Variants in KCNIP1 observed in about 807,000 individuals in gnomAD.
KCNIP1 encodes the protein A-type potassium channel modulatory protein KCNIP1.
A neutral mutation model predicts 33.0 loss-of-function variants in KCNIP1; 18 were observed. The ratio of observed to expected loss-of-function variants is 0.55; its 90% confidence interval spans 0.38 to 0.81. The LOEUF (loss-of-function observed/expected upper bound fraction) is 0.81. Among genes scored for constraint, KCNIP1 ranks in the 30% least tolerant of loss-of-function variants. KCNIP1 has a pLI of 0.00. For synonymous variants in KCNIP1, 93 were observed against 98.3 expected, an observed-to-expected ratio of 0.95 and a Z score of 0.32; for missense variants, 238 against 271.6, an observed-to-expected ratio of 0.88 and a Z score of 0.87.
chr5:170,435,514 T>G (rs997841802), intron 1 of KCNIP1, among the ~76,000 whole-genome samples: 4 of 152,152 alleles, frequency 2.6e-5, no homozygotes, highest in Non-Finnish European at 4.4e-5. Context: ...TTTTGGGGCT[T>G]TTTTGCAAGC....
At chr5:170,436,496 G>T (rs1581191132) in intron 1 of KCNIP1, among the ~76,000 whole-genome samples, 1 of 152,226 alleles carries the variant, frequency 6.6e-6, no homozygotes, top group Non-Finnish European at 1.5e-5. Context: ...TCTTGGGTCA[G>T]CACTGGAATC....
At chr5:170,722,955 T>C (rs757146446) in intron 5 of KCNIP1, 135 bp downstream of exon 5, 83 of 613,912 alleles carry the variant, frequency 1.4e-4, no homozygotes, top group Non-Finnish European at 2.2e-4. Flanking sequence ...AGCTGGTCCC[T>C]GGCAAAATAA....
intron 1 of KCNIP1, among the ~76,000 whole-genome samples, chr5:170,592,265 T>C (rs1050970129): frequency 1.3e-5 from 2 of 152,218 alleles, no homozygotes; most frequent in African/African-American, 4.8e-5. Context: ...TGACCTTTTA[T>C]ATATCTTTCT....
At chr5:170,657,302 G>T (rs1444916362) in intron 1 of KCNIP1, among the ~76,000 whole-genome samples, 3 of 152,106 alleles carry the variant, frequency 2.0e-5, no homozygotes, top group Admixed American at 6.5e-5. Context: ...AGCCAACTCA[G>T]TAAGTCTTTT....
chr5:170,363,972 G>T (rs1218794846), intron 1 of KCNIP1, among the ~76,000 whole-genome samples: 3 of 149,948 alleles, frequency 2.0e-5, no homozygotes, highest in African/African-American at 7.4e-5. Context: ...CAGTATTTGT[G>T]TCTGGCTTAT....
At chr5:170,446,856 G>A (rs985680076) in intron 1 of KCNIP1, among the ~76,000 whole-genome samples, 6 of 152,140 alleles carry the variant, frequency 3.9e-5, no homozygotes, top group African/African-American at 9.7e-5. Flanking sequence ...GGGCCCTCAC[G>A]TCCCTCCCTG....
intron 1 of KCNIP1, among the ~76,000 whole-genome samples, chr5:170,430,062 C>A (rs1426415994): frequency 6.6e-6 from 1 of 152,234 alleles, no homozygotes; most frequent in Admixed American, 6.5e-5. Context: ...GTCCCACACA[C>A]TCTACTCCAA....
At chr5:170,529,311 G>T (rs1210590026) in intron 1 of KCNIP1, among the ~76,000 whole-genome samples, 1 of 152,172 alleles carries the variant, frequency 6.6e-6, no homozygotes, top group Non-Finnish European at 1.5e-5. Context: ...ACCTCTGTGG[G>T]AAAGAGCTTC....
chr5:170,370,717 G>T (rs1172870381), intron 1 of KCNIP1, among the ~76,000 whole-genome samples: 1 of 152,202 alleles, frequency 6.6e-6, no homozygotes, highest in Non-Finnish European at 1.5e-5. Context: ...TGAGACCTGG[G>T]CGCAATGGCC....
intron 3 of KCNIP1, 51 bp downstream of exon 3, chr5:170,720,441 G>T: frequency 7.1e-7 from 1 of 1,407,088 alleles, no homozygotes; most frequent in Non-Finnish European, 1.0e-6. Flanking sequence ...CTGGTAAGCA[G>T]CCTTCCCTTC....
chr5:170,512,372 A>G (rs1235520900), intron 1 of KCNIP1, among the ~76,000 whole-genome samples: 1 of 152,232 alleles, frequency 6.6e-6, no homozygotes, highest in African/African-American at 2.4e-5. Flanking sequence ...TACATTTGCA[A>G]GTACCTTACT....
intron 1 of KCNIP1, among the ~76,000 whole-genome samples, chr5:170,526,689 A>G (rs1755581954): frequency 7.0e-6 from 1 of 143,162 alleles, no homozygotes; most frequent in South Asian, 2.2e-4. Context: ...CCTTTGCCCA[A>G]CCTCTCACCC....
chr5:170,577,785 A>G (rs1757654780), intron 1 of KCNIP1, among the ~76,000 whole-genome samples: 1 of 152,214 alleles, frequency 6.6e-6, no homozygotes, highest in African/African-American at 2.4e-5. Flanking sequence ...ATAAGAACAA[A>G]GATGTTCAAT....
intron 1 of KCNIP1, chr5:170,680,938 A>C (rs569588303): frequency 3.8e-5 from 15 of 397,728 alleles, no homozygotes; most frequent in African/African-American, 3.1e-4. Flanking sequence ...GGAGGGAGGC[A>C]GAAAGAGGAA....
chr5:170,651,251 G>A (rs1264324702), intron 1 of KCNIP1, among the ~76,000 whole-genome samples: 1 of 152,102 alleles, frequency 6.6e-6, no homozygotes, highest in Non-Finnish European at 1.5e-5. Flanking sequence ...TCACAGGAGG[G>A]GTGCAAATCA....
At chr5:170,523,378 G>T (rs1755442675) in intron 1 of KCNIP1, among the ~76,000 whole-genome samples, 1 of 152,218 alleles carries the variant, frequency 6.6e-6, no homozygotes, top group Admixed American at 6.5e-5. Flanking sequence ...ATTATTGCAT[G>T]GATAATTACA....
chr5:170,682,074 A>G (rs1762369536), intron 1 of KCNIP1, among the ~76,000 whole-genome samples: 1 of 152,240 alleles, frequency 6.6e-6, no homozygotes, highest in Non-Finnish European at 1.5e-5. Flanking sequence ...GCACCACATG[A>G]CAAAACCGTA....
At chr5:170,500,556 A>C (rs1279564003), upstream of KCNIP1, among the ~76,000 whole-genome samples, 1 of 151,608 alleles carries the variant, frequency 6.6e-6, no homozygotes, top group East Asian at 1.9e-4. Flanking sequence ...TCATTTTGTC[A>C]CTCCCTCTCT....
chr5:170,699,842 G>A (rs1045127748), intron 1 of KCNIP1, among the ~76,000 whole-genome samples: 4 of 152,194 alleles, frequency 2.6e-5, no homozygotes, highest in Non-Finnish European at 5.9e-5. Context: ...CCATGAGTCA[G>A]CAAGGAGAGG....
Sources: allele counts gnomAD v4.1 joint callset (sites outside exome capture counted in the v4.1 genomes callset), GRCh38; gene constraint gnomAD v4.1.1; transcripts MANE v1.5; gene names NCBI Gene and HGNC (gene_info 2026-07-23, HGNC 2026-07-21).